The following STX8 variants were observed in gnomAD, a reference collection of about 807,000 sequenced individuals.
STX8 encodes the protein syntaxin 8.
STX8 carries 23 observed loss-of-function variants against 37.5 expected under a neutral mutation model. The ratio of observed to expected loss-of-function variants is 0.61; its 90% confidence interval spans 0.44 to 0.87. The LOEUF is 0.87. Among genes scored for constraint, STX8 ranks in the 40% least tolerant of loss-of-function variants. The pLI, the probability that STX8 is intolerant of heterozygous loss-of-function variation, is 0.00. For synonymous variants in STX8, 115 were observed against 99.1 expected, an observed-to-expected ratio of 1.16 and a Z score of -0.95; for missense variants, 313 against 284.7, an observed-to-expected ratio of 1.10 and a Z score of -0.71.
intron 7 of STX8, among the ~76,000 whole-genome samples, chr17:9,263,802 T>G (rs1441714849): frequency 1.3e-5 from 2 of 152,246 alleles, no homozygotes; most frequent in African/African-American, 4.8e-5. Context: ...GCTAATTGTA[T>G]TTTCTGACGG....
At chr17:9,283,481 A>G (rs1907963410) in intron 7 of STX8, among the ~76,000 whole-genome samples, 1 of 152,210 alleles carries the variant, frequency 6.6e-6, no homozygotes, top group East Asian at 1.9e-4. Context: ...CAGAGGTTGC[A>G]GTGAGCCAAG....
At chr17:9,271,534 G>A (rs1907461008) in intron 7 of STX8, among the ~76,000 whole-genome samples, 1 of 152,106 alleles carries the variant, frequency 6.6e-6, no homozygotes, top group Non-Finnish European at 1.5e-5. Flanking sequence ...GGTGGATCAC[G>A]AAGTCAAGAG....
intron 4 of STX8, among the ~76,000 whole-genome samples, chr17:9,522,061 T>C (rs1905358164): frequency 6.6e-6 from 1 of 152,108 alleles, no homozygotes; most frequent in Admixed American, 6.5e-5. Flanking sequence ...CAACTCAAAT[T>C]TCAAAACCCC....
chr17:9,546,419 G>A (rs1906511381), intron 3 of STX8, among the ~76,000 whole-genome samples: 1 of 151,408 alleles, frequency 6.6e-6, no homozygotes, highest in South Asian at 2.1e-4. Context: ...CATCCTTCTG[G>A]GAAATGTAGT....
At chr17:9,275,321 T>A (rs1238325513) in intron 7 of STX8, among the ~76,000 whole-genome samples, 1 of 152,146 alleles carries the variant, frequency 6.6e-6, no homozygotes, top group Non-Finnish European at 1.5e-5. Flanking sequence ...GCCTTCCTAT[T>A]TTCCCCCATC....
At chr17:9,553,402 C>T (rs528519274) in intron 3 of STX8, 2 of 152,278 alleles carry the variant, frequency 1.3e-5, no homozygotes, top group South Asian at 4.1e-4. Context: ...GCCTTAATTC[C>T]ATGAATTTCA....
At chr17:9,312,643 G>A (rs1283496235) in intron 7 of STX8, among the ~76,000 whole-genome samples, 1 of 152,204 alleles carries the variant, frequency 6.6e-6, no homozygotes, top group South Asian at 2.1e-4. Flanking sequence ...GGACTGATTT[G>A]TTAGGAGAGC....
At chr17:9,276,139 G>A (rs554341207) in intron 7 of STX8, among the ~76,000 whole-genome samples, 2 of 152,228 alleles carry the variant, frequency 1.3e-5, no homozygotes, top group South Asian at 4.1e-4. Flanking sequence ...CCCTGGGCAT[G>A]CAGGGCAAGT....
At chr17:9,420,132 A>G (rs1191641840) in intron 6 of STX8, among the ~76,000 whole-genome samples, 1 of 152,184 alleles carries the variant, frequency 6.6e-6, no homozygotes, top group Non-Finnish European at 1.5e-5. Context: ...CATGAGCTCA[A>G]TGTGTATTCT....
chr17:9,575,792 C>A lies in STX8; in HGVS notation c.17G>T (p.Trp6Leu), dbSNP rs770178005. The A allele has an allele frequency of 6.5e-7, 1 of 1,543,648 alleles. No homozygotes were observed. Residue 6 changes from tryptophan to leucine, a missense_variant and splice_region_variant, in exon 1 of 8, where the codon TGG becomes TTG. Transcript: ENST00000306357. Reference sequence around the variant, plus strand: ...ACCGCCGCCCTCACCCGGGACTCACCAGGGGTCCGGTGCCATCCTGCAGAC... The same window carrying A: ...ACCGCCGCCCTCACCCGGGACTCACAAGGGGTCCGGTGCCATCCTGCAGAC... MAPDP[W>L]FSTYDSTCQI... is the part of the protein sequence containing the mutation.
At chr17:9,456,462 G>A (rs566004765) in intron 6 of STX8, among the ~76,000 whole-genome samples, 7 of 152,320 alleles carry the variant, frequency 4.6e-5, no homozygotes, top group African/African-American at 7.2e-5. Flanking sequence ...ACAGCTGTCC[G>A]GTGATAACCA....
intron 7 of STX8, among the ~76,000 whole-genome samples, chr17:9,361,663 T>C (rs1165222312): frequency 6.6e-5 from 10 of 152,248 alleles, no homozygotes. Flanking sequence ...TTTAGTTCCA[T>C]TCAACTTTTA....
chr17:9,489,037 C>G (rs764838560), intron 6 of STX8, among the ~76,000 whole-genome samples: 9 of 152,040 alleles, frequency 5.9e-5, no homozygotes, highest in African/African-American at 2.2e-4. Flanking sequence ...CCACCACGCC[C>G]GGCTAATTTT....
intron 4 of STX8, among the ~76,000 whole-genome samples, chr17:9,542,734 G>A (rs963687683): frequency 6.6e-6 from 1 of 152,106 alleles, no homozygotes; most frequent in African/African-American, 2.4e-5. Flanking sequence ...ATACAAAGCA[G>A]TTATTTCTTA....
intron 6 of STX8, among the ~76,000 whole-genome samples, chr17:9,433,441 G>A (rs1027364773): frequency 6.6e-6 from 1 of 151,990 alleles, no homozygotes; most frequent in African/African-American, 2.4e-5. Flanking sequence ...CAATCTCTTC[G>A]GCCCACAATA....
intron 5 of STX8, among the ~76,000 whole-genome samples, chr17:9,494,078 C>G (rs1452418272): frequency 2.6e-5 from 4 of 151,328 alleles, no homozygotes; most frequent in East Asian, 4.0e-4. Context: ...TGCAGTGGCG[C>G]GATCTCGGCT....
intron 3 of STX8, among the ~76,000 whole-genome samples, chr17:9,550,632 C>T (rs1906724798): frequency 6.6e-6 from 1 of 152,012 alleles, no homozygotes; most frequent in Admixed American, 6.6e-5. Context: ...ATTACTGATA[C>T]CTACTACCAG....
chr17:9,430,133 AAT>A (rs1226173512), intron 6 of STX8, among the ~76,000 whole-genome samples: 2 of 92,886 alleles, frequency 2.2e-5, no homozygotes, highest in Non-Finnish European at 4.2e-5. Flanking sequence ...ATAAATATAA[AAT>A]ATATATAATT....
At chr17:9,430,059 AAT>A (rs1244740533) in intron 6 of STX8, among the ~76,000 whole-genome samples, 4 of 61,910 alleles carry the variant, frequency 6.5e-5, no homozygotes, top group Admixed American at 5.7e-4. Context: ...TATTCTATAT[AAT>A]ATATATATTC....
Sources: allele counts gnomAD v4.1 joint callset (sites outside exome capture counted in the v4.1 genomes callset), GRCh38; gene constraint gnomAD v4.1.1; transcripts MANE v1.5; gene names NCBI Gene and HGNC (gene_info 2026-07-23, HGNC 2026-07-21).